Variants in ADGRG2 observed in about 807,000 individuals in gnomAD.
The protein encoded by ADGRG2 is G protein-coupled receptor 64.
In ADGRG2, 26 loss-of-function variants were observed where a neutral mutation model predicts 74.1. The observed-to-expected ratio is 0.35, with a 90% CI of 0.26 to 0.49. The LOEUF is 0.49. Ranked by LOEUF, ADGRG2 falls within the 20% of genes least tolerant of loss-of-function variation. ADGRG2 has a pLI of 0.99. For synonymous variants in ADGRG2, 296 were observed against 295.2 expected, an observed-to-expected ratio of 1.00 and a Z score of -0.03; for missense variants, 619 against 763.1, an observed-to-expected ratio of 0.81 and a Z score of 2.22.
At chrX:18,998,336 T>A (rs1021568718) in intron 26 of ADGRG2, among the ~76,000 whole-genome samples, 3 of 111,155 alleles carry the variant, frequency 2.7e-5, no homozygotes, top group Admixed American at 9.7e-5. Context: ...TTTTTTTTTT[T>A]AAAAGAAACC....
At chrX:19,021,593 G>A (rs746007325) in intron 13 of ADGRG2, among the ~76,000 whole-genome samples, 20 of 111,466 alleles carry the variant, frequency 1.8e-4, no homozygotes, top group Non-Finnish European at 3.6e-4. Flanking sequence ...AAACATTTGA[G>A]TTTCCATCAT....
At chrX:19,034,525 A>G (rs1258930860) in intron 7 of ADGRG2, 1 of 112,046 alleles carries the variant, frequency 8.9e-6, no homozygotes, top group African/African-American at 3.2e-5. Flanking sequence ...GCAGAAACTC[A>G]TCAGTAACAA....
chrX:19,113,993 A>T (rs1426029243), intron 1 of ADGRG2, among the ~76,000 whole-genome samples: 2 of 104,873 alleles, frequency 1.9e-5, no homozygotes, highest in African/African-American at 3.5e-5. Flanking sequence ...AATCACCTGA[A>T]CCCGGGAGGC....
intron 13 of ADGRG2, among the ~76,000 whole-genome samples, chrX:19,022,669 C>A (rs1299842595): frequency 8.9e-6 from 1 of 111,739 alleles, no homozygotes; most frequent in African/African-American, 3.3e-5. Context: ...TGTGCATGTG[C>A]TTCTTAATTT....
chrX:19,110,828 A>G (rs1298079413), intron 1 of ADGRG2, among the ~76,000 whole-genome samples: 1 of 112,082 alleles, frequency 8.9e-6, no homozygotes, highest in Non-Finnish European at 1.9e-5. Context: ...AAAGAAGCAC[A>G]GTCAGCAAGA....
chrX:19,107,576 G>A (rs1171400012), intron 1 of ADGRG2, among the ~76,000 whole-genome samples: 1 of 109,370 alleles, frequency 9.1e-6, no homozygotes, highest in Non-Finnish European at 1.9e-5. Flanking sequence ...CTATTCGGGT[G>A]GTAAACCTTT....
At chrX:19,101,700 C>CA (rs199707012) in intron 1 of ADGRG2, among the ~76,000 whole-genome samples, 4,567 of 96,798 alleles carry the variant, frequency 0.047, 89 homozygotes, top group Middle Eastern at 0.092. Flanking sequence ...GACGCAATCT[C>CA]AAAAAAAAAA....
chrX:19,110,650 C>T (rs1236989851), intron 1 of ADGRG2, among the ~76,000 whole-genome samples: 7 of 104,690 alleles, frequency 6.7e-5, no homozygotes, highest in Non-Finnish European at 1.2e-4. Flanking sequence ...TGCGCCACTG[C>T]ACTCCAACCT....
At chrX:19,019,409 A>T (rs764719953) in intron 15 of ADGRG2, among the ~76,000 whole-genome samples, 190 bp downstream of exon 15, 4 of 111,513 alleles carry the variant, frequency 3.6e-5, no homozygotes, top group Non-Finnish European at 7.5e-5. Flanking sequence ...GGTGATTCTA[A>T]TGTGCAGCTA....
At chrX:19,068,928 G>C in intron 2 of ADGRG2, 93 bp from the exon 3 acceptor site, 1 of 431,593 alleles carries the variant, frequency 2.3e-6, no homozygotes, top group Non-Finnish European at 4.0e-6. Context: ...AAGGCAACCT[G>C]TGATCCTGTG....
chrX:18,999,135 T>C lies in ADGRG2; in HGVS notation c.2475A>G (p.Arg825=). Residue 825 remains arginine, a synonymous_variant, in exon 26 of 29, where the codon CGA becomes CGG. Transcript: ENST00000379869. ...TCCTGAGGTCTTGAATACTGGTTTT[T>C]CGCTGGGCTCCCAGTTGCTTCTTCT... The part of the protein sequence containing the change: ...IKKKKQLGAQ[R]KTSIQDLRSI... 2.5e-6 allele frequency: 3 copies of C among 1,211,440 alleles called. No individual in the cohort carries two copies. Among genetic ancestry groups the C allele is most frequent in the South Asian group, 1.8e-5 (1 of 56,980 alleles).
rs778493403 is a variant in ADGRG2, at chrX:19,023,412, T to G, written c.548+4A>C. On this transcript the variant is annotated splice_donor_region_variant and intron_variant, in intron 13 of 28. Coordinates refer to ENST00000379869, the MANE Select transcript of ADGRG2 (RefSeq NM_001079858.3). ...TATTTATGAAAGTATTAAAAATGAC[T>G]GACCTTTGGGCCTCTGCTGTAGCAC... 7 of 1,084,311 alleles carry G rather than the reference T, an allele frequency of 6.5e-6. No homozygotes were observed. The Admixed American group carries it at 1.4e-4, about 21-fold the overall frequency. The allele number at this position is 1,084,311 out of a possible 1,213,427, so 89.4% of individuals were successfully genotyped here.
chrX:19,055,144 C>T (rs186266131), intron 3 of ADGRG2, among the ~76,000 whole-genome samples: 5 of 112,147 alleles, frequency 4.5e-5, no homozygotes, highest in African/African-American at 6.5e-5. Context: ...CGATAGATGT[C>T]GAGTCCCAAC....
At chrX:18,998,912 G>C (rs1342356417) in intron 26 of ADGRG2, 84 bp downstream of exon 26, 7 of 774,784 alleles carry the variant, frequency 9.0e-6, no homozygotes, top group Non-Finnish European at 1.9e-6. Flanking sequence ...CAACATCTCT[G>C]AGGCATGCCT....
chrX:19,048,217 G>A lies in ADGRG2; in HGVS notation c.119-7993C>T, dbSNP rs148865798. On this transcript the variant is annotated intron_variant, in intron 3 of 28. Transcript: ENST00000379869. ...GGGTCCACGAGATGCATTTTGGAGC[G>A]TCCATAAATGCCCCGAAATAAAATG... 8.9e-3 allele frequency among the ~76,000 whole-genome samples: 991 copies of A among 111,846 alleles called. 10 individuals are homozygous for A. Among genetic ancestry groups the A allele is most frequent in the African/African-American group, 0.031 (942 of 30,815 alleles).
Position 19,072,170 on chromosome X carries a change from A to ATT in ADGRG2, c.-1-3337_-1-3336dup, listed in dbSNP as rs11424709. ...TTAAAACATTATGAGTTTTTTTGCAATTTTTTTTTTTTAACTCATCAGCTA... is the reference window on the plus strand; with the variant it reads ...TTAAAACATTATGAGTTTTTTTGCAATTTTTTTTTTTTTTAACTCATCAGCTA... On this transcript the variant is annotated intron_variant, in intron 2 of 28. Transcript: ENST00000379869. 3.1e-3 allele frequency among the ~76,000 whole-genome samples: 324 copies of ATT among 103,499 alleles called. 2 individuals are homozygous for ATT. The highest frequency in any genetic ancestry group is 0.029 in the Middle Eastern group (6 of 208). 89.9% of individuals were successfully genotyped at this position (103,499 alleles called of 115,157 possible).
intron 1 of ADGRG2, among the ~76,000 whole-genome samples, chrX:19,099,924 A>T (rs1204492001): frequency 1.8e-5 from 2 of 111,398 alleles, no homozygotes; most frequent in Non-Finnish European, 3.8e-5. Context: ...GGTTCCAGCT[A>T]CTTGGGAGGC....
intron 1 of ADGRG2, among the ~76,000 whole-genome samples, chrX:19,118,200 A>G (rs1169637407): frequency 3.6e-5 from 4 of 112,025 alleles, no homozygotes; most frequent in African/African-American, 9.7e-5. Flanking sequence ...TATTATTGCC[A>G]TTTGCAGACA....
intron 15 of ADGRG2, 98 bp downstream of exon 15, chrX:19,019,501 A>G (rs1164145799): frequency 1.2e-5 from 6 of 501,910 alleles, no homozygotes; most frequent in Non-Finnish European, 1.7e-5. Flanking sequence ...TAAAATTGAA[A>G]GCCTTCTTTA....
Sources: gnomAD v4.1 joint callset for allele counts (sites outside exome capture counted in the v4.1 genomes callset) on GRCh38, gnomAD v4.1.1 for gene constraint, MANE v1.5 for transcripts, NCBI Gene and HGNC (gene_info 2026-07-23, HGNC 2026-07-21) for gene names.